DCLRE1C: variants seen among roughly 807,000 people sequenced by gnomAD.
DCLRE1C encodes the protein protein artemis.
A neutral mutation model predicts 61.4 loss-of-function variants in DCLRE1C; 47 were observed. The observed-to-expected ratio is 0.77, with a 90% confidence interval of 0.61 to 0.98. The LOEUF is 0.98. Among genes scored for constraint, DCLRE1C ranks in the 50% least tolerant of loss-of-function variants. The pLI, the probability that DCLRE1C is intolerant of heterozygous loss-of-function variation, is 0.00. For synonymous variants in DCLRE1C, 337 were observed against 287.6 expected (o/e 1.17, Z -1.74); for missense variants, 858 against 816.0 (o/e 1.05, Z -0.63).
At chr10:14,902,491 T>G (rs144605484), downstream of DCLRE1C, 2 of 1,597,064 alleles carry the variant, frequency 1.3e-6, no homozygotes, top group Non-Finnish European at 1.7e-6. Context: ...GAGCTGTGAC[T>G]TGCAGAGGTT....
chr10:14,939,647 G>T (rs138770913), intron 4 of DCLRE1C, among the ~76,000 whole-genome samples, 163 bp downstream of exon 4: 141 of 152,196 alleles, frequency 9.3e-4, no homozygotes, highest in African/African-American at 2.8e-3. Context: ...CCCACTCAAT[G>T]ACTAGATTTT....
intron 3 of DCLRE1C, among the ~76,000 whole-genome samples, chr10:14,941,791 AT>A (rs1283670428): frequency 6.6e-6 from 1 of 151,864 alleles, no homozygotes; most frequent in African/African-American, 2.4e-5. Flanking sequence ...CCAAAATACT[AT>A]TTTCTTCCTT....
rs1266629487 is a variant in DCLRE1C, at chr10:14,936,576, C to A, written c.324G>T (p.Val108=). 6.2e-7 allele frequency: 1 copy of A among 1,612,810 alleles called. No homozygotes were observed. Among genetic ancestry groups the A allele is most frequent in the South Asian group, 1.1e-5 (1 of 90,992 alleles). Residue 108 remains valine (V), a synonymous_variant, in exon 5 of 14, where the codon GTG becomes GTT. Transcript: ENST00000378278. The part of the protein sequence containing the change: ...EASGEKEEIV[V]TLLPAGHCPG... Reference sequence around the variant, plus strand: ...GACAGTGACCAGCTGGTAAGAGAGTCACAACAATCTCTTCCTTCTAAAAAG... The same window carrying A: ...GACAGTGACCAGCTGGTAAGAGAGTAACAACAATCTCTTCCTTCTAAAAAG...
At chr10:14,915,083 C>G (rs1393280993) in intron 13 of DCLRE1C, among the ~76,000 whole-genome samples, 2 of 151,604 alleles carry the variant, frequency 1.3e-5, no homozygotes, top group African/African-American at 4.8e-5. Context: ...GAAAAAAAGT[C>G]AAAGGAAAAA....
At chr10:14,935,148 A>T (rs1346367940) in intron 6 of DCLRE1C, among the ~76,000 whole-genome samples, 2 of 151,846 alleles carry the variant, frequency 1.3e-5, no homozygotes, top group African/African-American at 4.8e-5. Flanking sequence ...AGAGCAATAA[A>T]ACTTTATTCA....
At position 14,909,333 on chromosome 10, in the gene DCLRE1C, G is replaced by A. The variant is rs1180469672; in HGVS notation, c.1157-3C>T. 3.7e-6 allele frequency: 6 copies of A among 1,612,608 alleles called. No individual in the cohort carries two copies. The highest frequency in any genetic ancestry group is 4.2e-6 in the Non-Finnish European group (5 of 1,179,794). On this transcript the variant is annotated splice_polypyrimidine_tract_variant and splice_region_variant and intron_variant, in intron 13 of 13. Coordinates refer to ENST00000378278, the MANE Select transcript of DCLRE1C (RefSeq NM_001033855.3). Reference sequence around the variant, plus strand: ...AAAGAGATAGTCATCTTCCTCCTCTGTGGGACAAACAAAACAGGTTTATAG... The same window carrying A: ...AAAGAGATAGTCATCTTCCTCCTCTATGGGACAAACAAAACAGGTTTATAG...
chr10:14,917,486 T>A (rs572679621), intron 13 of DCLRE1C, among the ~76,000 whole-genome samples: 151 of 141,124 alleles, frequency 1.1e-3, no homozygotes, highest in African/African-American at 2.9e-3. Context: ...CTGATATATT[T>A]AAAAAAAAAA....
rs939562272 is a variant in DCLRE1C at position 14,953,990 on chromosome 10, C to T, written c.21G>A (p.Gln7=). Residue 7 remains glutamine, a synonymous_variant, in exon 1 of 14, where the codon CAG becomes CAA. Coordinates refer to ENST00000378278, the MANE Select transcript of DCLRE1C (RefSeq NM_001033855.3). ...TGGAGATAGTTGGATACTCGGCCAT[C>T]TGCCCCTCGAAAGAACTCATAGCGC... MSSFEG[Q]MAEYPTISID... The T allele has an allele frequency of 1.9e-6, 3 of 1,614,044 alleles. No individual in the cohort carries two copies. Among genetic ancestry groups the T allele is most frequent in the Non-Finnish European group, 2.5e-6 (3 of 1,179,922 alleles).
At chr10:14,935,359 G>C (rs1839736567) in intron 6 of DCLRE1C, 104 bp downstream of exon 6, 1 of 1,266,346 alleles carries the variant, frequency 7.9e-7, no homozygotes, top group African/African-American at 1.5e-5. Context: ...CCAGCTACTT[G>C]GGAGGCTGAG....
downstream of DCLRE1C, chr10:14,899,818 C>A: frequency 9.1e-7 from 1 of 1,099,184 alleles, no homozygotes; most frequent in Non-Finnish European, 1.3e-6. Context: ...ATAAGGAGGG[C>A]AGCTTCTGTT....
chr10:14,927,142 G>A (rs1838143594), intron 10 of DCLRE1C, among the ~76,000 whole-genome samples: 1 of 152,196 alleles, frequency 6.6e-6, no homozygotes, highest in African/African-American at 2.4e-5. Flanking sequence ...AGCACTATGG[G>A]AGGCCGACGC....
chr10:14,921,086 A>G (rs1212984703), intron 12 of DCLRE1C, among the ~76,000 whole-genome samples: 1 of 152,108 alleles, frequency 6.6e-6, no homozygotes, highest in Non-Finnish European at 1.5e-5. Context: ...GGGGAGGCCT[A>G]GGTGGGCAGA....
In DCLRE1C at chr10:14,929,510, TAC is replaced by T. The variant is rs892692133; in HGVS notation, c.781-1360_781-1359del. 1.0e-3 allele frequency among the ~76,000 whole-genome samples: 148 copies of T among 148,372 alleles called. 1 individual carries two copies. The highest frequency in any genetic ancestry group is 3.3e-3 in the African/African-American group (133 of 40,128). On this transcript the variant is annotated intron_variant, in intron 9 of 13. Transcript: ENST00000378278. Reference sequence around the variant, plus strand: ...ATGTAAAAATTAGCCAGGTGGGTGGTACACAACTGCAGTCCCAGCTATTCAGG... The same window carrying T: ...ATGTAAAAATTAGCCAGGTGGGTGGTACAACTGCAGTCCCAGCTATTCAGG...
At chr10:14,926,620 C>A (rs1184654007) in intron 11 of DCLRE1C, among the ~76,000 whole-genome samples, 2 of 150,560 alleles carry the variant, frequency 1.3e-5, no homozygotes, top group Non-Finnish European at 3.0e-5. Flanking sequence ...CACCACTGTA[C>A]CCCAACCTGG....
chr10:14,910,877 T>G (rs1311063507), intron 13 of DCLRE1C, among the ~76,000 whole-genome samples: 1 of 152,078 alleles, frequency 6.6e-6, no homozygotes, highest in African/African-American at 2.4e-5. Context: ...ACATGAGAAA[T>G]AAGACACAGA....
At chr10:14,904,020 G>C (rs1834191137), downstream of DCLRE1C, 1 of 152,150 alleles carries the variant, frequency 6.6e-6, no homozygotes, top group Admixed American at 6.5e-5. Context: ...AGAATGGGGG[G>C]CCAGGCCTGT....
At chr10:14,948,936 T>C in intron 2 of DCLRE1C, 100 bp downstream of exon 2, 1 of 861,734 alleles carries the variant, frequency 1.2e-6, no homozygotes, top group Non-Finnish European at 1.9e-6. Context: ...TGCGTTCATT[T>C]TGTAAATGAC....
At chr10:14,919,918 ATT>A in intron 12 of DCLRE1C, 86 bp from the exon 13 acceptor site, 1 of 1,156,728 alleles carries the variant, frequency 8.6e-7, no homozygotes, top group Non-Finnish European at 1.3e-6. Flanking sequence ...AATTTTTTTG[ATT>A]TTGTTTTTTA....
chr10:14,923,211 G>C lies in DCLRE1C; in HGVS notation c.973-142C>G, dbSNP rs1488137999. 8 of 667,568 alleles carry C rather than the reference G, an allele frequency of 1.2e-5. No homozygotes were observed. In the East Asian group the frequency reaches 2.3e-4, roughly 19 times the overall value. The allele number at this position is 667,568 out of a possible 1,614,324, so 41.4% of individuals were successfully genotyped here. ...TGCTGGCTGCACGTGGGGATCACCA[G>C]GGACCTCTTGGGAAAAAAATATCCA... On this transcript the variant is annotated intron_variant, in intron 11 of 13. Coordinates refer to ENST00000378278, the MANE Select transcript of DCLRE1C (RefSeq NM_001033855.3).
Sources: gnomAD v4.1 joint callset for allele counts (sites outside exome capture counted in the v4.1 genomes callset) on GRCh38, gnomAD v4.1.1 for gene constraint, MANE v1.5 for transcripts, NCBI Gene and HGNC (gene_info 2026-07-23, HGNC 2026-07-21) for gene names.